Variants in GHR observed in about 807,000 individuals in gnomAD.
The protein encoded by GHR is GH receptor.
In GHR, 35 loss-of-function variants were observed where a neutral mutation model predicts 67.1. The observed-to-expected ratio is 0.52, with a 90% CI of 0.40 to 0.69. The LOEUF (loss-of-function observed/expected upper bound fraction) is 0.69. Among genes scored for constraint, GHR ranks in the 30% least tolerant of loss-of-function variants. The pLI, the probability that GHR is intolerant of heterozygous loss-of-function variation, is 0.00. For synonymous variants in GHR, 272 were observed against 269.1 expected, an observed-to-expected ratio of 1.01 and a Z score of -0.10; for missense variants, 792 against 764.6, an observed-to-expected ratio of 1.04 and a Z score of -0.42.
At chr5:42,682,469 G>A (rs1257296511) in intron 3 of GHR, among the ~76,000 whole-genome samples, 1 of 152,180 alleles carries the variant, frequency 6.6e-6, no homozygotes, top group Non-Finnish European at 1.5e-5. Context: ...TTTAGACATA[G>A]TGAGAAAGGT....
At chr5:42,707,470 T>C (rs374010380) in intron 6 of GHR, among the ~76,000 whole-genome samples, 1 of 151,990 alleles carries the variant, frequency 6.6e-6, no homozygotes, top group East Asian at 1.9e-4. Context: ...AATTTTACAA[T>C]TGTTTTTTCT....
chr5:42,597,877 A>G (rs1752162070), intron 2 of GHR, among the ~76,000 whole-genome samples: 3 of 152,224 alleles, frequency 2.0e-5, no homozygotes, highest in Admixed American at 1.3e-4. Flanking sequence ...GGGCACACTG[A>G]GTATTTCAAG....
intron 2 of GHR, among the ~76,000 whole-genome samples, chr5:42,615,226 C>T (rs772008414): frequency 4.6e-5 from 7 of 151,974 alleles, no homozygotes; most frequent in South Asian, 2.1e-4. Flanking sequence ...AAAAAAACTG[C>T]TACAGAAAAA....
At chr5:42,565,724 G>A in intron 1 of GHR, 140 bp from the exon 2 acceptor site, 1 of 1,552,146 alleles carries the variant, frequency 6.4e-7, no homozygotes, top group South Asian at 1.2e-5. Flanking sequence ...GAGACTCTGG[G>A]GCAGTGAAAG....
chr5:42,496,401 A>G (rs1020153499), intron 1 of GHR, among the ~76,000 whole-genome samples: 2 of 152,054 alleles, frequency 1.3e-5, no homozygotes, highest in Non-Finnish European at 2.9e-5. Flanking sequence ...ATCTTGGTGC[A>G]GCGTTAGTGA....
intron 1 of GHR, among the ~76,000 whole-genome samples, chr5:42,485,328 G>T (rs935129200): frequency 6.6e-6 from 1 of 152,096 alleles, no homozygotes; most frequent in Non-Finnish European, 1.5e-5. Context: ...AGGCTTCCTT[G>T]TTTTCCTTTT....
chr5:42,715,039 G>A (rs1266243367), intron 8 of GHR: 1 of 373,404 alleles, frequency 2.7e-6, no homozygotes, highest in Non-Finnish European at 5.2e-6. Context: ...TCAAAAAGTA[G>A]GATTTCCAAG....
intron 1 of GHR, among the ~76,000 whole-genome samples, chr5:42,432,609 G>A (rs546825317): frequency 3.3e-4 from 51 of 152,332 alleles, no homozygotes; most frequent in African/African-American, 1.2e-3. Flanking sequence ...CAAAGCATAT[G>A]TGAATGATAA....
At chr5:42,672,484 T>C (rs368634305) in intron 3 of GHR, among the ~76,000 whole-genome samples, 75 of 152,260 alleles carry the variant, frequency 4.9e-4, no homozygotes, top group African/African-American at 1.7e-3. Context: ...AGCCATTTAA[T>C]CTTCAACAAA....
At chr5:42,574,383 A>G (rs1561133799) in intron 2 of GHR, among the ~76,000 whole-genome samples, 1 of 152,252 alleles carries the variant, frequency 6.6e-6, no homozygotes, top group African/African-American at 2.4e-5. Context: ...CTGGGCCAGC[A>G]TCATACCCTC....
At chr5:42,440,645 C>A (rs779966998) in intron 1 of GHR, among the ~76,000 whole-genome samples, 3 of 152,116 alleles carry the variant, frequency 2.0e-5, no homozygotes, top group Non-Finnish European at 4.4e-5. Flanking sequence ...AGGAGGTCAC[C>A]TGCTCTATTA....
chr5:42,586,605 G>C (rs1346603963), intron 2 of GHR, among the ~76,000 whole-genome samples: 2 of 152,180 alleles, frequency 1.3e-5, no homozygotes, highest in Non-Finnish European at 1.5e-5. Flanking sequence ...GTTGCTCTTA[G>C]CTGCTCAATT....
intron 3 of GHR, among the ~76,000 whole-genome samples, chr5:42,664,087 TAA>T (rs1755819256): frequency 1.3e-5 from 2 of 152,144 alleles, no homozygotes; most frequent in South Asian, 4.2e-4. Flanking sequence ...CTCAATGAAA[TAA>T]AAGAGGATAC....
rs115408781 is a variant in GHR at position 42,509,114 on chromosome 5, T to C, written c.-11-56750T>C. Among the ~76,000 whole-genome samples the C allele has an allele frequency of 4.9e-3, 748 of 152,296 alleles. 3 individuals are homozygous for C. The highest frequency in any genetic ancestry group is 0.016 in the African/African-American group (666 of 41,544). On this transcript the variant is annotated intron_variant, in intron 1 of 9. Transcript: ENST00000230882. ...TCCATGGTTCATTTTCAGTATTATTTTGTACTTCTCTTGCTTCATCATACT... is the reference window on the plus strand; with the variant it reads ...TCCATGGTTCATTTTCAGTATTATTCTGTACTTCTCTTGCTTCATCATACT...
rs886060651 is a variant in GHR, at chr5:42,721,442, T to C, written c.*2018T>C. 1 of 152,402 alleles carries C rather than the reference T, an allele frequency of 6.6e-6. No homozygotes were observed. The highest frequency in any genetic ancestry group is 1.5e-5 in the Non-Finnish European group (1 of 68,036). The allele number at this position is 152,402 out of a possible 1,614,324, so 9.4% of individuals were successfully genotyped here. A position where few individuals can be genotyped will look rare whatever the true frequency, so the allele number is the denominator to read the frequency against. The stretch of plus-strand genomic sequence containing the variant: ...ATTCTCTCTCTTGCAGGAAGGACTA[T>C]GAAAAGCTAGAATTGAGTGTTTAAA... On this transcript the variant is annotated 3_prime_UTR_variant, in exon 10 of 10. Transcript: ENST00000230882.
At chr5:42,432,151 T>C (rs1743122971) in intron 1 of GHR, among the ~76,000 whole-genome samples, 1 of 152,202 alleles carries the variant, frequency 6.6e-6, no homozygotes, top group Non-Finnish European at 1.5e-5. Context: ...AAGAAGCATC[T>C]CCTCTATTCC....
At chr5:42,499,032 C>T (rs187534988) in intron 1 of GHR, among the ~76,000 whole-genome samples, 2 of 152,284 alleles carry the variant, frequency 1.3e-5, no homozygotes, top group African/African-American at 2.4e-5. Context: ...AGAGAGGTAA[C>T]AGATGGAATG....
At chr5:42,465,836 C>T (rs913516076) in intron 1 of GHR, 6 of 765,024 alleles carry the variant, frequency 7.8e-6, no homozygotes, top group Middle Eastern at 3.7e-4. Flanking sequence ...TTGAATAGGT[C>T]GGTCAATAAT....
chr5:42,456,220 A>G (rs920173601), intron 1 of GHR, among the ~76,000 whole-genome samples: 6 of 152,354 alleles, frequency 3.9e-5, no homozygotes, highest in Non-Finnish European at 8.8e-5. Flanking sequence ...CTGAGGCAGG[A>G]GAATCGCTTG....
Sources: gnomAD v4.1 joint callset for allele counts (sites outside exome capture counted in the v4.1 genomes callset) on GRCh38, gnomAD v4.1.1 for gene constraint, MANE v1.5 for transcripts, NCBI Gene and HGNC (gene_info 2026-07-23, HGNC 2026-07-21) for gene names.